The following NPFFR2 variants were observed in gnomAD, a reference collection of about 807,000 sequenced individuals.
NPFFR2 encodes neuropeptide FF receptor 2, also known as G-protein coupled receptor 74.
Under a neutral mutation model 13.1 loss-of-function variants are expected in NPFFR2, and 15 were observed. The observed-to-expected ratio is 1.15, with a 90% CI of 0.77 to 1.76. NPFFR2 has a LOEUF of 1.76. Ranked by LOEUF, NPFFR2 falls within the 40% of genes most tolerant of loss-of-function variation. The pLI is 0.00. For synonymous variants in NPFFR2, 190 were observed against 175.7 expected (o/e 1.08, Z -0.65); for missense variants, 572 against 503.5 (o/e 1.14, Z -1.30).
chr4:72,090,592 G>T (rs569819429), intron 1 of NPFFR2, among the ~76,000 whole-genome samples: 1 of 152,046 alleles, frequency 6.6e-6, no homozygotes, highest in South Asian at 2.1e-4. Context: ...TGCAGCAATT[G>T]TAAAAGTGAT....
At chr4:72,118,493 T>C (rs913059517) in intron 1 of NPFFR2, among the ~76,000 whole-genome samples, 18 of 152,148 alleles carry the variant, frequency 1.2e-4, no homozygotes, top group Non-Finnish European at 2.2e-4. Flanking sequence ...CATGAATCTA[T>C]CTTCCAGTAA....
At position 72,096,592 on chromosome 4, in the gene NPFFR2, T is replaced by C. The variant is rs578123556; in HGVS notation, c.-7-31993T>C. On this transcript the variant is annotated intron_variant, in intron 1 of 3. Coordinates refer to ENST00000308744, the MANE Select transcript of NPFFR2 (RefSeq NM_004885.3). ...CTTTTCGAGCATCTACTTTTAATAT[T>C]GTATGAAGGAAGCTACATCAGTATC... is the stretch of plus-strand genomic sequence containing the variant. 2.6e-5 allele frequency among the ~76,000 whole-genome samples: 4 copies of C among 152,222 alleles called. No individual in the cohort carries two copies. The East Asian group carries it at 7.7e-4, about 29-fold the overall frequency.
At chr4:72,101,331 A>C (rs527553102) in intron 1 of NPFFR2, among the ~76,000 whole-genome samples, 1 of 152,142 alleles carries the variant, frequency 6.6e-6, no homozygotes, top group Non-Finnish European at 1.5e-5. Context: ...TCGATATTGA[A>C]TATCAACTCT....
In NPFFR2 at chr4:72,138,080, G is replaced by A. The variant is rs1176607625; in HGVS notation, c.369G>A (p.Leu123=). The A allele has an allele frequency of 3.7e-6, 6 of 1,613,584 alleles. No homozygotes were observed. Among genetic ancestry groups the A allele is most frequent in the African/African-American group, 2.7e-5 (2 of 74,898 alleles). The stretch of plus-strand genomic sequence containing the variant: ...ACACGATGTGCAAGATCAGTGGATT[G>A]GTCCAGGGAATATCTGTCGCAGCTT... The part of the protein sequence containing the change: ...FGNTMCKISG[L]VQGISVAASV... The change falls in exon 3 of 4, where the codon TTG becomes TTA. Residue 123 remains leucine (L), a synonymous_variant. Transcript: ENST00000308744.
chr4:72,142,626 A>C (rs1722665385), intron 3 of NPFFR2, among the ~76,000 whole-genome samples: 1 of 152,252 alleles, frequency 6.6e-6, no homozygotes, highest in South Asian at 2.1e-4. Flanking sequence ...CAGTAATAAG[A>C]AAATGAAACT....
chr4:72,103,391 C>T (rs1302911383), intron 1 of NPFFR2, among the ~76,000 whole-genome samples: 2 of 151,718 alleles, frequency 1.3e-5, no homozygotes, highest in Non-Finnish European at 2.9e-5. Context: ...TGCACTTTGA[C>T]CTCCTGCCTT....
intron 1 of NPFFR2, among the ~76,000 whole-genome samples, chr4:72,078,237 T>G (rs1720501781): frequency 6.6e-6 from 1 of 152,076 alleles, no homozygotes. Context: ...AGCAACAAAA[T>G]TGCTGCTGTG....
intron 1 of NPFFR2, among the ~76,000 whole-genome samples, chr4:72,037,978 C>T (rs981849724): frequency 6.6e-6 from 1 of 152,164 alleles, no homozygotes; most frequent in Non-Finnish European, 1.5e-5. Context: ...TGTTTACCTA[C>T]AGAATTAGTG....
At chr4:72,040,218 T>C (rs980059419) in intron 1 of NPFFR2, among the ~76,000 whole-genome samples, 9 of 152,190 alleles carry the variant, frequency 5.9e-5, no homozygotes, top group African/African-American at 1.7e-4. Flanking sequence ...TTGATTAATA[T>C]GATTTTTTCT....
chr4:72,041,737 T>C (rs1250118662), intron 1 of NPFFR2, among the ~76,000 whole-genome samples: 2 of 152,228 alleles, frequency 1.3e-5, no homozygotes, highest in Non-Finnish European at 2.9e-5. Flanking sequence ...TTTGCATTTC[T>C]CTGATGTTTA....
intron 1 of NPFFR2, among the ~76,000 whole-genome samples, chr4:72,093,820 C>CT (rs1403221175): frequency 0.012 from 1,565 of 129,466 alleles, 19 homozygotes; most frequent in African/African-American, 0.032. Flanking sequence ...CTTCTGAATT[C>CT]TTTTTTTTTT....
chr4:72,035,349 A>G (rs60178833), intron 1 of NPFFR2, among the ~76,000 whole-genome samples: 10,124 of 152,312 alleles, frequency 0.066, 955 homozygotes, highest in East Asian at 0.47. Flanking sequence ...AGGGGAGGAA[A>G]TGACCTAAAA....
intron 1 of NPFFR2, among the ~76,000 whole-genome samples, chr4:72,102,840 AT>A (rs1721295656): frequency 1.3e-5 from 2 of 151,978 alleles, no homozygotes; most frequent in South Asian, 4.1e-4. Context: ...ATACGTATGC[AT>A]TTGTCTTTAT....
chr4:72,053,789 C>T (rs188121037), intron 1 of NPFFR2, among the ~76,000 whole-genome samples: 452 of 151,838 alleles, frequency 3.0e-3, no homozygotes, highest in Non-Finnish European at 5.4e-3. Context: ...TTCTAATGCA[C>T]TAGCTATATC....
At chr4:72,123,320 G>A (rs747547298) in intron 1 of NPFFR2, among the ~76,000 whole-genome samples, 1 of 152,072 alleles carries the variant, frequency 6.6e-6, no homozygotes, top group African/African-American at 2.4e-5. Context: ...ATTCACAGCC[G>A]AATTCTACCA....
intron 1 of NPFFR2, among the ~76,000 whole-genome samples, chr4:72,085,599 T>C (rs1327554367): frequency 6.6e-6 from 1 of 152,198 alleles, no homozygotes; most frequent in African/African-American, 2.4e-5. Flanking sequence ...ATTCTACCAT[T>C]AAATTGTTTC....
chr4:72,047,493 T>C (rs889744003), intron 1 of NPFFR2, among the ~76,000 whole-genome samples: 2 of 152,090 alleles, frequency 1.3e-5, no homozygotes, highest in African/African-American at 4.8e-5. Flanking sequence ...ATATCTAACA[T>C]TTTGATTTAA....
intron 1 of NPFFR2, among the ~76,000 whole-genome samples, chr4:72,057,443 G>C (rs1299332100): frequency 6.6e-6 from 1 of 151,900 alleles, no homozygotes; most frequent in Admixed American, 6.6e-5. Flanking sequence ...GCTTGTGGTG[G>C]CTCCAGGAAC....
chr4:72,042,056 A>G (rs1719236877), intron 1 of NPFFR2, among the ~76,000 whole-genome samples: 1 of 152,126 alleles, frequency 6.6e-6, no homozygotes, highest in African/African-American at 2.4e-5. Flanking sequence ...ATTCTTTGCC[A>G]TGGCCAATAA....
Sources: allele counts gnomAD v4.1 joint callset (sites outside exome capture counted in the v4.1 genomes callset), GRCh38; gene constraint gnomAD v4.1.1; transcripts MANE v1.5; gene names NCBI Gene and HGNC (gene_info 2026-07-23, HGNC 2026-07-21).